Variants in RBM6 observed in about 807,000 individuals in gnomAD.
The protein encoded by RBM6 is RNA-binding protein 6.
Under a neutral mutation model 140.4 loss-of-function variants are expected in RBM6, and 23 were observed. The observed-to-expected ratio is 0.16, with a 90% CI of 0.12 to 0.23. The LOEUF is 0.23. Ranked by LOEUF, RBM6 falls within the 10% of genes least tolerant of loss-of-function variation. The pLI, the probability that RBM6 is intolerant of heterozygous loss-of-function variation, is 1.00. For synonymous variants in RBM6, 439 were observed against 475.6 expected, an observed-to-expected ratio of 0.92 and a Z score of 1.00; for missense variants, 1,139 against 1,386.7, an observed-to-expected ratio of 0.82 and a Z score of 2.84.
chr3:50,064,627 T>G (rs2090055239), intron 15 of RBM6, among the ~76,000 whole-genome samples: 1 of 152,046 alleles, frequency 6.6e-6, no homozygotes, highest in South Asian at 2.1e-4. Context: ...TTCTTCTACC[T>G]CAGCCTCCCA....
chr3:50,043,618 T>C (rs2089054858), intron 6 of RBM6, among the ~76,000 whole-genome samples: 2 of 151,828 alleles, frequency 1.3e-5, no homozygotes, highest in African/African-American at 2.4e-5. Context: ...GGAATCTGGC[T>C]CTCTTGCCAG....
rs527602149 is a variant in RBM6 at position 50,051,379 on chromosome 3, C to G, written c.1633-2956C>G. On this transcript the variant is annotated intron_variant, in intron 7 of 20. Coordinates refer to ENST00000266022, the MANE Select transcript of RBM6 (RefSeq NM_005777.3). Reference sequence around the variant, plus strand: ...TTTTTTAGCTGGGTGTGGTGGCTCACGCCTATAATCCCAGCACTTTGGGAG... The same window carrying G: ...TTTTTTAGCTGGGTGTGGTGGCTCAGGCCTATAATCCCAGCACTTTGGGAG... 2.6e-5 allele frequency among the ~76,000 whole-genome samples: 4 copies of G among 152,080 alleles called. 1 individual carries two copies. In the East Asian group the frequency reaches 7.8e-4, roughly 29 times the overall value.
chr3:49,948,668 C>T lies in RBM6; in HGVS notation c.-67+8443C>T, dbSNP rs1224442218. On this transcript the variant is annotated intron_variant, in intron 1 of 20. Transcript: ENST00000266022. ...TGGAGGTTGCAGTGAGCCAAGATTG[C>T]GCCACTGCACTCTAGATTGGCAGCA... Among the ~76,000 whole-genome samples, 10 of 149,656 alleles carry T rather than the reference C, an allele frequency of 6.7e-5. No individual in the cohort carries two copies. The Middle Eastern group carries it at 0.01, about 156-fold the overall frequency.
intron 6 of RBM6, chr3:50,047,290 A>T: frequency 2.0e-6 from 2 of 985,410 alleles, no homozygotes; most frequent in Non-Finnish European, 2.4e-6. Flanking sequence ...CGGAGAATGA[A>T]CACAGCGCAG....
At chr3:50,059,442 C>A (rs1448056070) in intron 10 of RBM6, 4 of 413,178 alleles carry the variant, frequency 9.7e-6, no homozygotes, top group Non-Finnish European at 1.7e-5. Context: ...GACATCTATT[C>A]TGATTCCTGT....
rs114805370 is a variant in RBM6 at position 49,953,548 on chromosome 3, T to C, written c.-66-9028T>C. Among the ~76,000 whole-genome samples the C allele has an allele frequency of 3.7e-3, 534 of 143,028 alleles. 3 individuals carry two copies. Among genetic ancestry groups the C allele is most frequent in the African/African-American group, 0.012 (452 of 38,108 alleles). The allele number at this position is 143,028 out of a possible 152,430, so 93.8% of individuals were successfully genotyped here. A position where few individuals can be genotyped will look rare whatever the true frequency, so the allele number is the denominator to read the frequency against. ...CTTTTTTTTTTTTTTTGAGACCGTC[T>C]CTGTCACCCAGGCTGGAGTGCAGTA... On this transcript the variant is annotated intron_variant, in intron 1 of 20. Coordinates refer to ENST00000266022, the MANE Select transcript of RBM6 (RefSeq NM_005777.3).
In RBM6 at chr3:50,046,401, G is replaced by A. The variant is rs559818977; in HGVS notation, c.1558-1844G>A. 2.8e-4 allele frequency among the ~76,000 whole-genome samples: 42 copies of A among 151,492 alleles called. No homozygotes were observed. In the East Asian group the frequency reaches 6.2e-3, roughly 22 times the overall value. ...TCGAGACCAGCCTGACCAACGTGGA[G>A]AAACCCCGTCTCTACTAAAAATACA... On this transcript the variant is annotated intron_variant, in intron 6 of 20. Coordinates refer to ENST00000266022, the MANE Select transcript of RBM6 (RefSeq NM_005777.3).
intron 1 of RBM6, among the ~76,000 whole-genome samples, chr3:49,944,651 T>C (rs946938063): frequency 1.3e-5 from 2 of 151,344 alleles, no homozygotes; most frequent in African/African-American, 2.4e-5. Flanking sequence ...AATTTTTTTA[T>C]TTTTAGTAGA....
At chr3:49,975,862 T>C (rs2085041395) in intron 5 of RBM6, among the ~76,000 whole-genome samples, 1 of 152,196 alleles carries the variant, frequency 6.6e-6, no homozygotes, top group Admixed American at 6.5e-5. Flanking sequence ...GTTACAGTTA[T>C]TTTGTTGAAA....
At chr3:49,997,300 C>T (rs1191352118) in intron 5 of RBM6, among the ~76,000 whole-genome samples, 1 of 151,980 alleles carries the variant, frequency 6.6e-6, no homozygotes, top group African/African-American at 2.4e-5. Context: ...ATGTTGTCAA[C>T]ATATAGTATT....
intron 6 of RBM6, among the ~76,000 whole-genome samples, chr3:50,002,368 T>A (rs1032861329): frequency 6.6e-6 from 1 of 151,930 alleles, no homozygotes; most frequent in African/African-American, 2.4e-5. Flanking sequence ...TTCAAGTGAT[T>A]CTCCTGCCTC....
At chr3:50,047,980 T>C (rs1177998295) in intron 6 of RBM6, among the ~76,000 whole-genome samples, 1 of 152,178 alleles carries the variant, frequency 6.6e-6, no homozygotes, top group Non-Finnish European at 1.5e-5. Flanking sequence ...GGGCATAGCC[T>C]GCCCAAGGAC....
intron 6 of RBM6, among the ~76,000 whole-genome samples, chr3:50,032,326 A>G (rs1171464728): frequency 6.6e-6 from 1 of 151,986 alleles, no homozygotes; most frequent in Non-Finnish European, 1.5e-5. Flanking sequence ...ACTAAAAAAA[A>G]TACAAAAATT....
rs368673411 is a variant in RBM6, at chr3:50,049,170, G to A, written c.1632+851G>A. 9.9e-5 allele frequency among the ~76,000 whole-genome samples: 15 copies of A among 151,764 alleles called. No individual in the cohort carries two copies. The South Asian group carries it at 2.1e-3, about 21-fold the overall frequency. ...GTCGCCCAGGCTGGAGTGCAGTGGC[G>A]CGATCTCAGCTCACTACAACCTCTG... On this transcript the variant is annotated intron_variant, in intron 7 of 20. Transcript: ENST00000266022.
intron 5 of RBM6, among the ~76,000 whole-genome samples, chr3:49,986,267 T>C (rs2085549900): frequency 6.6e-6 from 1 of 151,284 alleles, no homozygotes; most frequent in Admixed American, 6.6e-5. Context: ...GTGCTGGGAT[T>C]ACAGATGTGA....
At chr3:49,990,989 C>A (rs1311182960) in intron 5 of RBM6, among the ~76,000 whole-genome samples, 1 of 152,172 alleles carries the variant, frequency 6.6e-6, no homozygotes. Context: ...ACCATTCTTA[C>A]TTCAGACACC....
intron 5 of RBM6, among the ~76,000 whole-genome samples, chr3:49,985,858 G>A (rs991280480): frequency 6.6e-5 from 10 of 151,842 alleles, no homozygotes; most frequent in Non-Finnish European, 1.2e-4. Context: ...CGCCCACCTC[G>A]GCCTCCCAAA....
intron 6 of RBM6, among the ~76,000 whole-genome samples, chr3:50,013,392 C>T (rs946582936): frequency 1.3e-5 from 2 of 152,120 alleles, no homozygotes; most frequent in Admixed American, 1.3e-4. Context: ...GTGAATAGGC[C>T]GAACGCGGTG....
intron 7 of RBM6, chr3:50,054,069 TC>T (rs2089600187): frequency 2.7e-6 from 1 of 375,216 alleles, no homozygotes; most frequent in Admixed American, 4.2e-5. Flanking sequence ...TAGGCATATT[TC>T]CTATAGGAAT....
Sources: allele counts gnomAD v4.1 joint callset (sites outside exome capture counted in the v4.1 genomes callset), GRCh38; gene constraint gnomAD v4.1.1; transcripts MANE v1.5; gene names NCBI Gene and HGNC (gene_info 2026-07-23, HGNC 2026-07-21).